Variants in RAMP1 observed in about 807,000 individuals in gnomAD.
The protein encoded by RAMP1 is receptor activity-modifying protein 1.
A neutral mutation model predicts 8.2 loss-of-function variants in RAMP1; 7 were observed. That is an observed-to-expected ratio of 0.85 (90% CI 0.49 to 1.60). The LOEUF is 1.60. RAMP1 is among the 40% of genes most tolerant of loss of function. The pLI is 0.00. For missense variants in RAMP1, 192 were observed against 202.4 expected (o/e 0.95, Z 0.31); for synonymous variants, 92 against 84.7 (o/e 1.09, Z -0.47).
At chr2:237,893,487 C>T (rs1044900763) in intron 2 of RAMP1, among the ~76,000 whole-genome samples, 1 of 152,172 alleles carries the variant, frequency 6.6e-6, no homozygotes, top group Non-Finnish European at 1.5e-5. Context: ...CTCCTCTGTC[C>T]CCTCTGTGCT....
intron 2 of RAMP1, among the ~76,000 whole-genome samples, chr2:237,881,061 C>T (rs1314181905): frequency 2.0e-5 from 3 of 152,226 alleles, no homozygotes; most frequent in Admixed American, 2.0e-4. Flanking sequence ...CAACTTACCT[C>T]ATCAGTTTCT....
chr2:237,859,763 C>A, intron 1 of RAMP1, 36 bp downstream of exon 1: 2 of 1,493,780 alleles, frequency 1.3e-6, no homozygotes, highest in Non-Finnish European at 1.8e-6. Flanking sequence ...GAGCTCCCTT[C>A]CCCTGGCCAG....
chr2:237,873,497 C>T (rs1178565893), intron 1 of RAMP1, among the ~76,000 whole-genome samples: 1 of 152,164 alleles, frequency 6.6e-6, no homozygotes, highest in South Asian at 2.1e-4. Flanking sequence ...TATGCATGCT[C>T]ATTTCAGGGG....
chr2:237,873,282 C>T (rs760634483), intron 1 of RAMP1, among the ~76,000 whole-genome samples: 12 of 152,356 alleles, frequency 7.9e-5, no homozygotes, highest in Admixed American at 1.3e-4. Flanking sequence ...GCCTTTCCTG[C>T]CCCATGTGGC....
chr2:237,883,131 G>A (rs182225600), intron 2 of RAMP1, among the ~76,000 whole-genome samples: 17 of 152,298 alleles, frequency 1.1e-4, no homozygotes, highest in Non-Finnish European at 2.5e-4. Context: ...ATGGAGGCCA[G>A]GGGATTCTGA....
At chr2:237,911,456 C>T in intron 2 of RAMP1, 72 bp from the exon 3 acceptor site, 2 of 1,571,592 alleles carry the variant, frequency 1.3e-6, no homozygotes, top group Non-Finnish European at 1.7e-6. Context: ...CACGGTGCAG[C>T]AGCCCGGGCT....
At chr2:237,859,418 A>C (rs1230478692), upstream of RAMP1, 1 of 154,168 alleles carries the variant, frequency 6.5e-6, no homozygotes, top group Non-Finnish European at 1.4e-5. Flanking sequence ...CCTTCCTGGG[A>C]CCCCAAGTGT....
At chr2:237,882,685 A>AT (rs1481469057) in intron 2 of RAMP1, among the ~76,000 whole-genome samples, 1 of 152,194 alleles carries the variant, frequency 6.6e-6, no homozygotes, top group Non-Finnish European at 1.5e-5. Flanking sequence ...CAGCCTTCCA[A>AT]GGGTCTCCAG....
chr2:237,897,400 C>T (rs1416533919), intron 2 of RAMP1, among the ~76,000 whole-genome samples: 3 of 152,236 alleles, frequency 2.0e-5, no homozygotes, highest in East Asian at 3.8e-4. Flanking sequence ...TCTACAGTCA[C>T]TGCGAGTGTT....
chr2:237,899,662 G>T (rs74002609), intron 2 of RAMP1, among the ~76,000 whole-genome samples: 4,120 of 152,340 alleles, frequency 0.027, 214 homozygotes, highest in African/African-American at 0.094. Context: ...GAAGCGAAGG[G>T]CATCTGTTCC....
At chr2:237,885,523 C>T (rs1170168960) in intron 2 of RAMP1, among the ~76,000 whole-genome samples, 2 of 152,258 alleles carry the variant, frequency 1.3e-5, no homozygotes, top group African/African-American at 4.8e-5. Context: ...TCCCTGGTGG[C>T]TGTGGTGCTG....
At chr2:237,879,375 G>A (rs1275909425) in intron 2 of RAMP1, among the ~76,000 whole-genome samples, 1 of 151,950 alleles carries the variant, frequency 6.6e-6, no homozygotes, top group Admixed American at 6.5e-5. Flanking sequence ...CAGTGCCAGA[G>A]CACAAAGAGG....
chr2:237,877,978 G>A lies in RAMP1; in HGVS notation c.191+616G>A, dbSNP rs960023602. ...CTGGGCCCCCATCAGCAGGCCGGGG[G>A]GTTCTCCCCAGCAGGCCCAGGCTCC... On this transcript the variant is annotated intron_variant, in intron 2 of 2. Transcript: ENST00000254661. The surrounding 1 kb of genome is among the most constrained non-coding windows in gnomAD (Gnocchi z 4.4). 1 of 985,334 alleles carries A rather than the reference G, an allele frequency of 1.0e-6. No homozygotes were observed. Among genetic ancestry groups the A allele is most frequent in the Admixed American group, 6.1e-5 (1 of 16,274 alleles). 61.0% of individuals were successfully genotyped at this position (985,334 alleles called of 1,614,324 possible).
intron 1 of RAMP1, among the ~76,000 whole-genome samples, chr2:237,873,543 G>C (rs1244077557): frequency 1.3e-5 from 2 of 152,162 alleles, no homozygotes; most frequent in African/African-American, 4.8e-5. Flanking sequence ...CCGTTGCTCT[G>C]AACCCCCTCA....
At chr2:237,870,526 G>A (rs1186069219) in intron 1 of RAMP1, among the ~76,000 whole-genome samples, 1 of 152,198 alleles carries the variant, frequency 6.6e-6, no homozygotes, top group African/African-American at 2.4e-5. Context: ...TTTTTCTCCA[G>A]GTCTGTATTT....
intron 2 of RAMP1, among the ~76,000 whole-genome samples, chr2:237,899,593 T>C (rs1295132624): frequency 6.6e-6 from 1 of 152,210 alleles, no homozygotes; most frequent in African/African-American, 2.4e-5. Flanking sequence ...AAATATGCTA[T>C]GTGGCTAGAT....
intron 2 of RAMP1, among the ~76,000 whole-genome samples, chr2:237,910,319 G>A (rs572546438): frequency 6.7e-6 from 1 of 148,658 alleles, no homozygotes; most frequent in East Asian, 2.0e-4. Flanking sequence ...TCACACACAG[G>A]GACACACATA....
intron 2 of RAMP1, among the ~76,000 whole-genome samples, chr2:237,901,684 G>A (rs2062597916): frequency 6.6e-6 from 1 of 152,216 alleles, no homozygotes; most frequent in African/African-American, 2.4e-5. Context: ...TGAAGCAGGG[G>A]TGGGAAGGTG....
chr2:237,870,173 T>C lies in RAMP1; in HGVS notation c.53-7051T>C, dbSNP rs565550503. Among the ~76,000 whole-genome samples, 12 of 152,378 alleles carry C rather than the reference T, an allele frequency of 7.9e-5. No homozygotes were observed. The South Asian group carries it at 2.1e-3, about 26-fold the overall frequency. ...TGTCCCGCCACCCACCTTTTGGATG[T>C]TCCCCGGAGTCACTTAGCTCTTTGA... On this transcript the variant is annotated intron_variant, in intron 1 of 2. Transcript: ENST00000254661.
Sources: allele counts gnomAD v4.1 joint callset (sites outside exome capture counted in the v4.1 genomes callset), GRCh38; gene constraint gnomAD v4.1.1; non-coding constraint Gnocchi (gnomAD v3.1); transcripts MANE v1.5; gene names NCBI Gene and HGNC (gene_info 2026-07-23, HGNC 2026-07-21).